SPOCK1: variants seen among roughly 807,000 people sequenced by gnomAD.
The protein encoded by SPOCK1 is SPARC (osteonectin), cwcv and kazal like domains proteoglycan 1.
A neutral mutation model predicts 55.3 loss-of-function variants in SPOCK1; 23 were observed. That is an observed-to-expected ratio of 0.42 (90% CI 0.30 to 0.59). The LOEUF is 0.59. Ranked by LOEUF, SPOCK1 falls within the 20% of genes least tolerant of loss-of-function variation. SPOCK1 has a pLI of 0.22. For synonymous variants in SPOCK1, 226 were observed against 221.0 expected (o/e 1.02, Z -0.20); for missense variants, 499 against 552.5 (o/e 0.90, Z 0.97).
chr5:137,380,697 G>A (rs903408949), intron 2 of SPOCK1, among the ~76,000 whole-genome samples: 6 of 152,126 alleles, frequency 3.9e-5, no homozygotes, highest in African/African-American at 1.4e-4. Flanking sequence ...ACTAATTCGA[G>A]AATGGCAGGA....
chr5:137,451,224 T>C (rs142997370), intron 2 of SPOCK1, among the ~76,000 whole-genome samples: 131 of 152,256 alleles, frequency 8.6e-4, no homozygotes, highest in African/African-American at 3.0e-3. Context: ...ATTCTTATTA[T>C]ACTCCATGCT....
chr5:137,338,267 TGTTTG>T lies in SPOCK1; in HGVS notation c.187-71217_187-71213del, dbSNP rs1189424005. Among the ~76,000 whole-genome samples, 15 of 148,524 alleles carry T rather than the reference TGTTTG, an allele frequency of 1.0e-4. No homozygotes were observed. In the East Asian group the frequency reaches 3.0e-3, roughly 30 times the overall value. On this transcript the variant is annotated intron_variant, in intron 2 of 10. Coordinates refer to ENST00000394945, the MANE Select transcript of SPOCK1 (RefSeq NM_004598.4). ...CCCACCTATGAGTGAGAACATGCAG[TGTTTG>T]GTTTGTTGTCCTTGCGATAGTTTGC... is the stretch of plus-strand genomic sequence containing the variant.
intron 6 of SPOCK1, among the ~76,000 whole-genome samples, chr5:137,065,111 C>G (rs1315156291): frequency 1.3e-5 from 2 of 151,590 alleles, no homozygotes; most frequent in Admixed American, 1.3e-4. Context: ...GCCTCTACTC[C>G]CAGCTACTAG....
chr5:137,356,521 G>A (rs571805188), intron 2 of SPOCK1, among the ~76,000 whole-genome samples: 15 of 151,674 alleles, frequency 9.9e-5, no homozygotes, highest in African/African-American at 3.6e-4. Context: ...AGGGTGCGGT[G>A]GTTCAGGCTT....
At chr5:137,187,025 T>C (rs1755082236) in intron 3 of SPOCK1, among the ~76,000 whole-genome samples, 1 of 152,228 alleles carries the variant, frequency 6.6e-6, no homozygotes, top group South Asian at 2.1e-4. Flanking sequence ...CCAGTCCACG[T>C]CCCACCTCTC....
At chr5:137,289,863 T>C (rs939710421) in intron 2 of SPOCK1, among the ~76,000 whole-genome samples, 31 of 152,048 alleles carry the variant, frequency 2.0e-4, no homozygotes, top group African/African-American at 7.5e-4. Flanking sequence ...ACACAGAAAG[T>C]ATGAATAGGC....
intron 3 of SPOCK1, among the ~76,000 whole-genome samples, chr5:137,225,751 A>G (rs1755933301): frequency 6.6e-6 from 1 of 152,228 alleles, no homozygotes; most frequent in African/African-American, 2.4e-5. Flanking sequence ...GAGCTGCAAA[A>G]TTTGCATGTC....
intron 4 of SPOCK1, among the ~76,000 whole-genome samples, chr5:137,124,963 T>C (rs1169720960): frequency 6.6e-6 from 1 of 152,206 alleles, no homozygotes; most frequent in Non-Finnish European, 1.5e-5. Context: ...TTACCTCCAG[T>C]TTCCCTGGGG....
At chr5:137,155,461 G>A (rs1467974706) in intron 3 of SPOCK1, among the ~76,000 whole-genome samples, 1 of 152,186 alleles carries the variant, frequency 6.6e-6, no homozygotes, top group Non-Finnish European at 1.5e-5. Flanking sequence ...GCCAGTGTGG[G>A]GAAAGGTGAA....
At chr5:137,040,827 C>T (rs1170447145) in intron 6 of SPOCK1, among the ~76,000 whole-genome samples, 2 of 152,146 alleles carry the variant, frequency 1.3e-5, no homozygotes, top group African/African-American at 4.8e-5. Flanking sequence ...CATAATGGCT[C>T]ATCAAGATGG....
intron 5 of SPOCK1, among the ~76,000 whole-genome samples, chr5:137,079,574 C>G (rs1752839616): frequency 6.7e-6 from 1 of 148,444 alleles, no homozygotes; most frequent in South Asian, 2.2e-4. Context: ...ACCAAAGATC[C>G]CAAACTAACA....
chr5:137,002,983 C>T (rs1393153194), intron 6 of SPOCK1, among the ~76,000 whole-genome samples: 2 of 152,106 alleles, frequency 1.3e-5, no homozygotes, highest in Non-Finnish European at 2.9e-5. Context: ...GGCTCATACG[C>T]AGGGAGGACT....
intron 5 of SPOCK1, among the ~76,000 whole-genome samples, chr5:137,096,025 G>C (rs1753139646): frequency 6.6e-6 from 1 of 152,150 alleles, no homozygotes; most frequent in Non-Finnish European, 1.5e-5. Context: ...TGATGGGGTG[G>C]GGTCATCAAG....
intron 2 of SPOCK1, among the ~76,000 whole-genome samples, chr5:137,382,347 A>T (rs1751489213): frequency 6.6e-6 from 1 of 151,896 alleles, no homozygotes; most frequent in East Asian, 1.9e-4. Flanking sequence ...AACTCTTCCA[A>T]CCTCTGCCTG....
intron 3 of SPOCK1, among the ~76,000 whole-genome samples, chr5:137,158,538 T>G (rs112695818): frequency 2.0e-4 from 30 of 152,350 alleles, no homozygotes; most frequent in Non-Finnish European, 3.7e-4. Context: ...GTTATCACAC[T>G]GAACCTTAAT....
intron 6 of SPOCK1, among the ~76,000 whole-genome samples, chr5:137,034,801 T>A (rs184251828): frequency 9.2e-5 from 14 of 152,260 alleles, no homozygotes; most frequent in Non-Finnish European, 1.8e-4. Flanking sequence ...GAAAGGGCAC[T>A]AGGATGTGGC....
chr5:137,400,939 C>T (rs1014596252), intron 2 of SPOCK1, among the ~76,000 whole-genome samples: 3 of 152,220 alleles, frequency 2.0e-5, no homozygotes, highest in African/African-American at 7.2e-5. Flanking sequence ...TTTTACCCAG[C>T]AGAGCACCCG....
chr5:137,336,650 C>T (rs974818956), intron 2 of SPOCK1, among the ~76,000 whole-genome samples: 5 of 152,180 alleles, frequency 3.3e-5, no homozygotes, highest in African/African-American at 4.8e-5. Context: ...GTGAGGTCAG[C>T]AATCAGGCTG....
intron 2 of SPOCK1, among the ~76,000 whole-genome samples, chr5:137,306,128 C>A (rs1479762655): frequency 1.3e-5 from 2 of 152,050 alleles, no homozygotes; most frequent in African/African-American, 4.8e-5. Flanking sequence ...AAGAATGGGG[C>A]GAGAAGTCAT....
Sources: gnomAD v4.1 joint callset for allele counts (sites outside exome capture counted in the v4.1 genomes callset) on GRCh38, gnomAD v4.1.1 for gene constraint, MANE v1.5 for transcripts, NCBI Gene and HGNC (gene_info 2026-07-23, HGNC 2026-07-21) for gene names.